DENND5B: variants seen among roughly 807,000 people sequenced by gnomAD.
DENND5B encodes the protein DENN domain-containing protein 5B.
A neutral mutation model predicts 140.6 loss-of-function variants in DENND5B; 34 were observed. The observed-to-expected ratio is 0.24, with a 90% CI of 0.18 to 0.32. DENND5B has a LOEUF of 0.32. Among genes scored for constraint, DENND5B ranks in the 10% least tolerant of loss-of-function variants. The pLI is 1.00. For synonymous variants in DENND5B, 551 were observed against 562.1 expected, an observed-to-expected ratio of 0.98 and a Z score of 0.28; for missense variants, 1,142 against 1,560.2, an observed-to-expected ratio of 0.73 and a Z score of 4.52.
intron 1 of DENND5B, among the ~76,000 whole-genome samples, chr12:31,511,042 G>C (rs1947390490): frequency 6.6e-6 from 1 of 152,068 alleles, no homozygotes; most frequent in Non-Finnish European, 1.5e-5. Context: ...GACCAGCCTG[G>C]CCAACACAGT....
intron 1 of DENND5B, among the ~76,000 whole-genome samples, chr12:31,504,237 CTT>C (rs1947111505): frequency 6.6e-6 from 1 of 152,130 alleles, no homozygotes; most frequent in South Asian, 2.1e-4. Context: ...AATTTTTTAA[CTT>C]AACATACTAG....
At chr12:31,574,079 G>T (rs1181753233) in intron 1 of DENND5B, among the ~76,000 whole-genome samples, 1 of 151,196 alleles carries the variant, frequency 6.6e-6, no homozygotes, top group Non-Finnish European at 1.5e-5. Context: ...GGACAACACG[G>T]TGAGATCTTG....
intron 1 of DENND5B, among the ~76,000 whole-genome samples, chr12:31,512,384 AATT>A (rs1277881857): frequency 5.4e-5 from 3 of 55,718 alleles, no homozygotes; most frequent in African/African-American, 2.6e-4. Flanking sequence ...ACCCCTGGCT[AATT>A]TTTTTTTTTT....
chr12:31,398,543 C>A (rs966386070), intron 16 of DENND5B, among the ~76,000 whole-genome samples, 181 bp from the exon 17 acceptor site: 5 of 151,960 alleles, frequency 3.3e-5, no homozygotes, highest in Non-Finnish European at 5.9e-5. Context: ...CTCAAGTGAT[C>A]CCCCCATCTC....
At chr12:31,484,987 T>G (rs1946238524) in intron 2 of DENND5B, among the ~76,000 whole-genome samples, 1 of 152,144 alleles carries the variant, frequency 6.6e-6, no homozygotes, top group African/African-American at 2.4e-5. Context: ...AGCTCTAAAG[T>G]ACTTCCCAAA....
chr12:31,590,780 G>A lies in DENND5B; in HGVS notation c.53C>T (p.Ala18Val), dbSNP rs1004993265. ...CACGAAGTAGTGCGCGAAGCGGCAG[G>A]CGGCCGGGGAGGAGCCCGAGCCCGG... ...PGPGSGSSPA[A>V]CRFAHYFVLC... is the part of the protein sequence containing the mutation. Residue 18 changes from alanine to valine, a missense_variant, in exon 1 of 21, where the codon GCC becomes GTC. By Grantham distance (64) the Ala-to-Val change is moderately conservative. Around this residue, in one of 5 missense-constraint regions of DENND5B, gnomAD observed 708 missense variants for 905.5 expected, o/e 0.78. Coordinates refer to ENST00000389082, the MANE Select transcript of DENND5B (RefSeq NM_144973.4). 1 of 1,381,102 alleles carries A rather than the reference G, an allele frequency of 7.2e-7. No homozygotes were observed. The highest frequency in any genetic ancestry group is 9.4e-7 in the Non-Finnish European group (1 of 1,066,074). 85.6% of individuals were successfully genotyped at this position (1,381,102 alleles called of 1,614,324 possible). A position where few individuals can be genotyped will look rare whatever the true frequency, so the allele number is the denominator to read the frequency against.
chr12:31,571,856 G>A (rs756904733), intron 1 of DENND5B, among the ~76,000 whole-genome samples: 10 of 152,140 alleles, frequency 6.6e-5, no homozygotes, highest in South Asian at 6.2e-4. Context: ...TGATCTGCCC[G>A]CTTTGACCTC....
At chr12:31,482,115 C>T (rs1201500251) in intron 2 of DENND5B, among the ~76,000 whole-genome samples, 13 of 152,200 alleles carry the variant, frequency 8.5e-5, no homozygotes, top group Admixed American at 8.5e-4. Context: ...CAAACTGCTC[C>T]TCACAGCCAT....
At chr12:31,540,896 T>G (rs1244933834) in intron 1 of DENND5B, 3 of 394,498 alleles carry the variant, frequency 7.6e-6, no homozygotes, top group Non-Finnish European at 1.5e-5. Context: ...CAGAAATAAA[T>G]CCACACATTT....
At chr12:31,440,736 C>A (rs572548865) in intron 7 of DENND5B, among the ~76,000 whole-genome samples, 1 of 152,250 alleles carries the variant, frequency 6.6e-6, no homozygotes, top group African/African-American at 2.4e-5. Flanking sequence ...CACATCATGG[C>A]TCACTGCAGC....
chr12:31,464,217 C>T (rs1020909064), intron 3 of DENND5B, among the ~76,000 whole-genome samples: 2 of 152,174 alleles, frequency 1.3e-5, no homozygotes, highest in African/African-American at 2.4e-5. Flanking sequence ...CATTCCTTAT[C>T]ATCACTCCAT....
At chr12:31,493,512 A>G (rs1284445288) in intron 2 of DENND5B, among the ~76,000 whole-genome samples, 2 of 151,732 alleles carry the variant, frequency 1.3e-5, no homozygotes, top group Non-Finnish European at 2.9e-5. Flanking sequence ...TGGCCAACAT[A>G]GCAAAACCCC....
At chr12:31,574,295 A>AATAATAATT (rs374578025) in intron 1 of DENND5B, among the ~76,000 whole-genome samples, 8,679 of 144,454 alleles carry the variant, frequency 0.06, 425 homozygotes, top group South Asian at 0.16. Flanking sequence ...TAATAATAAT[A>AATAATAATT]ATTTAAAAGG....
intron 17 of DENND5B, 68 bp downstream of exon 17, chr12:31,398,106 GT>G: frequency 7.0e-7 from 1 of 1,420,156 alleles, no homozygotes; most frequent in Middle Eastern, 2.3e-4. Context: ...TAACACAACT[GT>G]TTTCTATCAA....
At chr12:31,391,166 C>A (rs1267847717) in intron 19 of DENND5B, among the ~76,000 whole-genome samples, 1 of 152,202 alleles carries the variant, frequency 6.6e-6, no homozygotes, top group Non-Finnish European at 1.5e-5. Context: ...CCCCCTCCCC[C>A]AATCTCCTAC....
At position 31,424,929 on chromosome 12, in the gene DENND5B, A is replaced by C. The variant is rs145773893; in HGVS notation, c.2239-242T>G. ...AAGAGAATATAAGATAATATTTGTAAGGCATCCCCATGTTGAAAAGATGCT... is the reference window on the plus strand; with the variant it reads ...AAGAGAATATAAGATAATATTTGTACGGCATCCCCATGTTGAAAAGATGCT... On this transcript the variant is annotated intron_variant, in intron 9 of 20. Transcript: ENST00000389082. 2.2e-4 allele frequency among the ~76,000 whole-genome samples: 34 copies of C among 152,344 alleles called. 1 individual carries two copies. The East Asian group carries it at 6.6e-3, about 29-fold the overall frequency.
intron 11 of DENND5B, among the ~76,000 whole-genome samples, chr12:31,420,611 C>T (rs1942975985): frequency 6.6e-6 from 1 of 151,962 alleles, no homozygotes; most frequent in Admixed American, 6.6e-5. Flanking sequence ...ACCTGGCTGA[C>T]TTTTATATTT....
chr12:31,395,567 T>C (rs1479021743), intron 17 of DENND5B, among the ~76,000 whole-genome samples: 2 of 152,070 alleles, frequency 1.3e-5, no homozygotes, highest in Admixed American at 6.5e-5. Flanking sequence ...CACTCCAGCA[T>C]GGCCAACAAG....
chr12:31,518,982 C>A (rs1440311378), intron 1 of DENND5B, among the ~76,000 whole-genome samples: 1 of 152,192 alleles, frequency 6.6e-6, no homozygotes, highest in South Asian at 2.1e-4. Context: ...ACCACAGCAA[C>A]AAAGCTCTTC....
Sources: gnomAD v4.1 joint callset for allele counts (sites outside exome capture counted in the v4.1 genomes callset) on GRCh38, gnomAD v4.1.1 for gene constraint, gnomAD v4.1.1 regional missense constraint, MANE v1.5 for transcripts, NCBI Gene and HGNC (gene_info 2026-07-23, HGNC 2026-07-21) for gene names.